Variants in GSDME observed in about 807,000 individuals in gnomAD.
GSDME encodes gasdermin E.
A neutral mutation model predicts 47.5 loss-of-function variants in GSDME; 44 were observed. The observed-to-expected ratio is 0.93, with a 90% CI of 0.73 to 1.19. The LOEUF is 1.19. GSDME is among the 50% of genes most tolerant of loss of function. The pLI is 0.00. For missense variants in GSDME, 663 were observed against 604.2 expected (o/e 1.10, Z -1.02); for synonymous variants, 258 against 252.8 (o/e 1.02, Z -0.20).
the GSDME span, among the ~76,000 whole-genome samples, chr7:24,793,672 T>C: frequency 6.6e-6 from 1 of 152,154 alleles, no homozygotes; most frequent in Non-Finnish European, 1.5e-5. Context: ...TCAACATGTC[T>C]CAACTTTCTG....
intron 9 of GSDME, among the ~76,000 whole-genome samples, chr7:24,701,795 C>G (rs1323614477): frequency 6.6e-6 from 1 of 152,214 alleles, no homozygotes; most frequent in Non-Finnish European, 1.5e-5. Flanking sequence ...TCCTCTGGGC[C>G]TGTGGAATCT....
chr7:24,790,931 C>T, the GSDME span, among the ~76,000 whole-genome samples: 10 of 152,254 alleles, frequency 6.6e-5, no homozygotes, highest in African/African-American at 2.4e-4. This position sits in a 1 kb window ranked among gnomAD's most constrained non-coding sequence, Gnocchi z 4.1. Context: ...AGTTTAAGTC[C>T]CTACCATACA....
intron 4 of GSDME, among the ~76,000 whole-genome samples, chr7:24,718,038 A>T (rs1789635186): frequency 6.6e-6 from 1 of 152,216 alleles, no homozygotes; most frequent in South Asian, 2.1e-4. Context: ...TCCTGGTCAG[A>T]GTGTGTTGCT....
At chr7:24,767,357 T>C in the GSDME span, among the ~76,000 whole-genome samples, 1 of 152,142 alleles carries the variant, frequency 6.6e-6, no homozygotes, top group Admixed American at 6.5e-5. This position sits in a 1 kb window ranked among gnomAD's most constrained non-coding sequence, Gnocchi z 5.3. Flanking sequence ...AATATTTGTC[T>C]CATATAAGGG....
chr7:24,749,602 A>G lies in GSDME; in HGVS notation c.173T>C (p.Leu58Pro). The G allele has an allele frequency of 6.2e-7, 1 of 1,613,962 alleles. No homozygotes were observed. The highest frequency in any genetic ancestry group is 1.7e-4 in the Middle Eastern group (1 of 6,060). The change falls in exon 2 of 10, where the codon CTT becomes CCT. Residue 58 changes from leucine (L) to proline (P), a missense_variant. Transcript: ENST00000645220. The stretch of plus-strand genomic sequence containing the variant: ...TTGGTCTTCTATGAGTACATCGCCA[A>G]GGGTGAGGGATAAAAACTGGTACTT... ...RPKYQFLSLT[L>P]GDVLIEDQFP...
Position 24,699,004 on chromosome 7 carries a change from T to C in GSDME, c.*22A>G. 1 of 1,527,314 alleles carries C rather than the reference T, an allele frequency of 6.5e-7. No homozygotes were observed. The highest frequency in any genetic ancestry group is 9.1e-7 in the Non-Finnish European group (1 of 1,102,576). The allele number at this position is 1,527,314 out of a possible 1,614,324, so 94.6% of individuals were successfully genotyped here. Reference sequence around the variant, plus strand: ...AAAAATAGCCTTGGCCAGTAACACGTACTTCTAGTTCACATATGACATCAT... The same window carrying C: ...AAAAATAGCCTTGGCCAGTAACACGCACTTCTAGTTCACATATGACATCAT... On this transcript the variant is annotated 3_prime_UTR_variant, in exon 10 of 10. Transcript: ENST00000645220.
In GSDME at chr7:24,733,050, A is replaced by G. The variant is rs533511573; in HGVS notation, c.404+11512T>C. Among the ~76,000 whole-genome samples the G allele has an allele frequency of 6.6e-6, 1 of 152,074 alleles. No individual in the cohort carries two copies. The highest frequency in any genetic ancestry group is 1.9e-4 in the East Asian group (1 of 5,132). On this transcript the variant is annotated intron_variant, in intron 3 of 9. Transcript: ENST00000645220. This position sits in a 1 kb window ranked among gnomAD's most constrained non-coding sequence, Gnocchi z 4.3. The stretch of plus-strand genomic sequence containing the variant: ...CTTGAGGAGAGGAGAGGGAAGAGGA[A>G]AAAGGACTTTGTACTGTAACCAGAA...
intron 9 of GSDME, among the ~76,000 whole-genome samples, chr7:24,701,177 A>G (rs1343844952): frequency 3.9e-5 from 6 of 152,232 alleles, no homozygotes; most frequent in South Asian, 2.1e-4. Context: ...ATGACGCTCA[A>G]ATTCCTTCAG....
chr7:24,710,447 GTCT>G, intron 5 of GSDME, 59 bp from the exon 6 acceptor site: 2 of 1,572,102 alleles, frequency 1.3e-6, no homozygotes, highest in Non-Finnish European at 1.8e-6. Context: ...GTGCCAACAA[GTCT>G]GGACAGGGTC....
intron 3 of GSDME, among the ~76,000 whole-genome samples, chr7:24,737,105 T>A: frequency 6.6e-6 from 1 of 150,912 alleles, no homozygotes; most frequent in African/African-American, 2.4e-5. Flanking sequence ...AACTAGAAAA[T>A]CAAGATCAAA....
the GSDME span, among the ~76,000 whole-genome samples, chr7:24,776,966 T>A: frequency 1.5e-4 from 23 of 152,184 alleles, no homozygotes; most frequent in Non-Finnish European, 2.5e-4. Flanking sequence ...TTCTTCCTTT[T>A]AGCTTATAAT....
the GSDME span, among the ~76,000 whole-genome samples, chr7:24,791,889 G>A: frequency 9.3e-4 from 141 of 152,352 alleles, 1 homozygote; most frequent in Admixed American, 7.4e-3. The surrounding 1 kb of genome is among the most constrained non-coding windows in gnomAD (Gnocchi z 4.8). Flanking sequence ...GAGACACGAA[G>A]TGAACTTAGT....
chr7:24,793,973 G>C, the GSDME span, among the ~76,000 whole-genome samples: 1 of 152,218 alleles, frequency 6.6e-6, no homozygotes, highest in East Asian at 1.9e-4. Context: ...CGGGTTGTCA[G>C]TGGTCTCAGT....
rs3038357 is a variant in GSDME at position 24,744,984 on chromosome 7, CGTGTGTGT to C, written c.212-238_212-231del. ...GGGCACACAGTGGACCAGTGCAGCA[CGTGTGTGT>C]GTGTGTGTGTGTGTGTGTGTGTGTG... On this transcript the variant is annotated intron_variant, in intron 2 of 9. Coordinates refer to ENST00000645220, the MANE Select transcript of GSDME (RefSeq NM_001127453.2). This position sits in a 1 kb window ranked among gnomAD's most constrained non-coding sequence, Gnocchi z 4.5. Among the ~76,000 whole-genome samples, 24,635 of 118,802 alleles carry C rather than the reference CGTGTGTGT, an allele frequency of 0.21. 2,599 individuals are homozygous for C. Among genetic ancestry groups the C allele is most frequent in the South Asian group, 0.39 (1,203 of 3,048 alleles). The allele number at this position is 118,802 out of a possible 152,430, so 77.9% of individuals were successfully genotyped here.
chr7:24,762,771 T>C (rs1584120343), upstream of GSDME, among the ~76,000 whole-genome samples: 1 of 142,618 alleles, frequency 7.0e-6, no homozygotes, highest in East Asian at 2.1e-4. Flanking sequence ...TCCCAAATTA[T>C]AATGGCTCAA....
chr7:24,752,897 T>TCTGCTGTG (rs1251677864), intron 1 of GSDME, among the ~76,000 whole-genome samples: 1 of 152,050 alleles, frequency 6.6e-6, no homozygotes, highest in African/African-American at 2.4e-5. Context: ...ATAAAACCCA[T>TCTGCTGTG]CTGCTGTGGG....
At chr7:24,748,950 T>A (rs1790766569) in intron 2 of GSDME, among the ~76,000 whole-genome samples, 1 of 152,172 alleles carries the variant, frequency 6.6e-6, no homozygotes, top group Non-Finnish European at 1.5e-5. Context: ...GTATGTGGCA[T>A]CATCAGTTCA....
In GSDME at chr7:24,724,945, T is replaced by C. The variant is rs144582756; in HGVS notation, c.405-5727A>G. Among the ~76,000 whole-genome samples the C allele has an allele frequency of 6.6e-6, 1 of 152,286 alleles. No individual in the cohort carries two copies. Among genetic ancestry groups the C allele is most frequent in the East Asian group, 1.9e-4 (1 of 5,172 alleles). ...GTGGTACCTTCCCCCTCACTCTCTCTTGTTCCTCTTTCTTGCTCCTGTTCT... is the reference window on the plus strand; with the variant it reads ...GTGGTACCTTCCCCCTCACTCTCTCCTGTTCCTCTTTCTTGCTCCTGTTCT... On this transcript the variant is annotated intron_variant, in intron 3 of 9. Coordinates refer to ENST00000645220, the MANE Select transcript of GSDME (RefSeq NM_001127453.2). This position sits in a 1 kb window ranked among gnomAD's most constrained non-coding sequence, Gnocchi z 4.8.
chr7:24,719,040 C>A lies in GSDME; in HGVS notation c.576+7G>T. 6.2e-7 allele frequency: 1 copy of A among 1,611,998 alleles called. No homozygotes were observed. The highest frequency in any genetic ancestry group is 8.5e-7 in the Non-Finnish European group (1 of 1,179,952). Reference sequence around the variant, plus strand: ...CCATGAACGCAGGGCAGCCCGACTGCACGCACCTGCACCGTCTTGGTCTGG... The same window carrying A: ...CCATGAACGCAGGGCAGCCCGACTGAACGCACCTGCACCGTCTTGGTCTGG... On this transcript the variant is annotated splice_region_variant and intron_variant, in intron 4 of 9. Transcript: ENST00000645220.
Sources: allele counts gnomAD v4.1 joint callset (sites outside exome capture counted in the v4.1 genomes callset), GRCh38; gene constraint gnomAD v4.1.1; non-coding constraint Gnocchi (gnomAD v3.1); transcripts MANE v1.5; gene names NCBI Gene and HGNC (gene_info 2026-07-23, HGNC 2026-07-21).